ADGRL3: variants seen among roughly 807,000 people sequenced by gnomAD.
ADGRL3 encodes adhesion G protein-coupled receptor L3, also known as calcium-independent alpha-latrotoxin receptor 3.
A neutral mutation model predicts 153.5 loss-of-function variants in ADGRL3; 62 were observed. The ratio of observed to expected loss-of-function variants is 0.40; its 90% CI spans 0.33 to 0.50. The LOEUF is 0.50. ADGRL3 is among the 20% of genes least tolerant of loss of function. ADGRL3 has a pLI of 0.47. For missense variants in ADGRL3, 1,641 were observed against 1,859.4 expected, an observed-to-expected ratio of 0.88 and a Z score of 2.16; for synonymous variants, 710 against 672.5, an observed-to-expected ratio of 1.06 and a Z score of -0.86.
At chr4:61,665,705 G>A (rs987242887) in intron 5 of ADGRL3, among the ~76,000 whole-genome samples, 4 of 152,078 alleles carry the variant, frequency 2.6e-5, no homozygotes, top group African/African-American at 7.2e-5. Flanking sequence ...TTTGTCTAAA[G>A]CATTCTGATA....
intron 2 of ADGRL3, among the ~76,000 whole-genome samples, chr4:61,435,758 T>A (rs1206489439): frequency 1.3e-5 from 2 of 152,078 alleles, no homozygotes; most frequent in Admixed American, 6.6e-5. Context: ...AGTGAAACCA[T>A]CTCAAAGGGC....
chr4:62,050,484 A>G (rs944629459), intron 25 of ADGRL3, among the ~76,000 whole-genome samples: 3 of 151,992 alleles, frequency 2.0e-5, no homozygotes, highest in Non-Finnish European at 2.9e-5. Context: ...CAGAGCATGT[A>G]TTGTCTTTCC....
chr4:62,051,075 G>A (rs913458989), intron 25 of ADGRL3, among the ~76,000 whole-genome samples: 8 of 148,080 alleles, frequency 5.4e-5, no homozygotes, highest in Non-Finnish European at 1.2e-4. Flanking sequence ...CTGTGTGTGT[G>A]TATATATATA....
chr4:61,333,537 C>A (rs2095615399), intron 1 of ADGRL3, among the ~76,000 whole-genome samples: 2 of 152,016 alleles, frequency 1.3e-5, no homozygotes, highest in Non-Finnish European at 1.5e-5. Flanking sequence ...TATGGCATTT[C>A]TTAATCTTAG....
chr4:61,706,187 C>T (rs1186934736), intron 6 of ADGRL3, among the ~76,000 whole-genome samples: 1 of 151,946 alleles, frequency 6.6e-6, no homozygotes, highest in Non-Finnish European at 1.5e-5. Context: ...TTTGGGAGGT[C>T]AAGGTGGGTG....
intron 1 of ADGRL3, among the ~76,000 whole-genome samples, chr4:61,345,775 G>A (rs1379394346): frequency 2.0e-5 from 3 of 152,148 alleles, no homozygotes; most frequent in East Asian, 1.9e-4. Context: ...GAGAATTTCT[G>A]TATATTTGTG....
At chr4:61,310,052 A>G (rs867114621) in intron 1 of ADGRL3, among the ~76,000 whole-genome samples, 8 of 151,392 alleles carry the variant, frequency 5.3e-5, no homozygotes, top group African/African-American at 1.9e-4. Context: ...TATAAATGCA[A>G]TATACTATTA....
intron 4 of ADGRL3, among the ~76,000 whole-genome samples, chr4:61,549,075 A>T (rs753061762): frequency 1.1e-4 from 16 of 151,966 alleles, no homozygotes; most frequent in Non-Finnish European, 2.4e-4. Flanking sequence ...CTGTATTTCT[A>T]GATATTTTAT....
intron 1 of ADGRL3, among the ~76,000 whole-genome samples, chr4:61,294,759 A>G (rs2094345828): frequency 6.6e-6 from 1 of 152,052 alleles, no homozygotes; most frequent in Non-Finnish European, 1.5e-5. Flanking sequence ...AATAAGCGCT[A>G]TTACTGCCCC....
In ADGRL3 at chr4:61,813,834, A is replaced by G. The variant is rs1303345371; in HGVS notation, c.1425A>G (p.Ser475=). The change falls in exon 9 of 27, where the codon TCA becomes TCG. Residue 475 remains serine, a synonymous_variant. Coordinates refer to ENST00000683033, the MANE Select transcript of ADGRL3 (RefSeq NM_001387552.1). ...RSGQAHHGQV[S]YISPPIHLDS... ...GGCAGGCACATCATGGACAAGTTTC[A>G]TACATTTCTCCGCCAATTCACCTTG... 4 of 1,577,276 alleles carry G rather than the reference A, an allele frequency of 2.5e-6. No homozygotes were observed. Among genetic ancestry groups the G allele is most frequent in the Non-Finnish European group, 2.6e-6 (3 of 1,146,634 alleles).
intron 4 of ADGRL3, among the ~76,000 whole-genome samples, chr4:61,534,041 G>GT (rs1375288253): frequency 6.6e-6 from 1 of 152,056 alleles, no homozygotes; most frequent in Non-Finnish European, 1.5e-5. Context: ...GTACAGAAGA[G>GT]TTTTTTCTAG....
chr4:61,748,467 A>G (rs2096704566), intron 8 of ADGRL3, among the ~76,000 whole-genome samples: 1 of 151,644 alleles, frequency 6.6e-6, no homozygotes, highest in South Asian at 2.1e-4. Context: ...CTATACTACA[A>G]GGCTACAGTA....
At chr4:61,366,926 T>A (rs900896901) in intron 1 of ADGRL3, among the ~76,000 whole-genome samples, 4 of 152,192 alleles carry the variant, frequency 2.6e-5, no homozygotes, top group African/African-American at 7.2e-5. Context: ...TAACTCAGTT[T>A]TGTAGCACAG....
intron 1 of ADGRL3, among the ~76,000 whole-genome samples, chr4:61,225,930 T>C (rs1429399354): frequency 6.6e-6 from 1 of 152,176 alleles, no homozygotes; most frequent in Non-Finnish European, 1.5e-5. Context: ...TTAATATCTT[T>C]TCCATCACTG....
intron 2 of ADGRL3, among the ~76,000 whole-genome samples, chr4:61,488,634 GT>G (rs1438635161): frequency 1.3e-5 from 2 of 151,982 alleles, no homozygotes; most frequent in East Asian, 1.9e-4. Flanking sequence ...CCCATCCTAT[GT>G]TTTTTTCCGT....
chr4:61,587,550 C>G (rs2098951304), intron 5 of ADGRL3, 110 bp downstream of exon 5: 1 of 813,644 alleles, frequency 1.2e-6, no homozygotes, highest in Non-Finnish European at 1.9e-6. Context: ...TTTTAGGACA[C>G]TTCAAAATAG....
At chr4:62,069,769 A>G (rs1375548942) in intron 26 of ADGRL3, among the ~76,000 whole-genome samples, 8 of 152,116 alleles carry the variant, frequency 5.3e-5, no homozygotes. Flanking sequence ...CCAAAATTTT[A>G]TGTTATTTTG....
chr4:61,911,715 G>A lies in ADGRL3; in HGVS notation c.2074-1004G>A, dbSNP rs189977343. On this transcript the variant is annotated intron_variant, in intron 12 of 26. Transcript: ENST00000683033. ...TACTTAATTCTTTAGAGGAGTAACT[G>A]CTCTATGCTCATTGAAGAATGCATG... Among the ~76,000 whole-genome samples the A allele has an allele frequency of 2.6e-5, 4 of 152,164 alleles. No individual in the cohort carries two copies. In the East Asian group the frequency reaches 7.7e-4, roughly 29 times the overall value.
intron 1 of ADGRL3, among the ~76,000 whole-genome samples, chr4:61,329,952 A>G (rs1187621644): frequency 6.6e-6 from 1 of 152,174 alleles, no homozygotes; most frequent in Non-Finnish European, 1.5e-5. Flanking sequence ...GCCTGGAATC[A>G]AGAAGGAAAT....
Sources: gnomAD v4.1 joint callset for allele counts (sites outside exome capture counted in the v4.1 genomes callset) on GRCh38, gnomAD v4.1.1 for gene constraint, MANE v1.5 for transcripts, NCBI Gene and HGNC (gene_info 2026-07-23, HGNC 2026-07-21) for gene names.